The following GRAMD4 variants were observed in gnomAD, a reference collection of about 807,000 sequenced individuals.
GRAMD4 encodes the protein GRAM domain-containing protein 4.
Under a neutral mutation model 83.9 loss-of-function variants are expected in GRAMD4, and 25 were observed. That is an observed-to-expected ratio of 0.30 (90% confidence interval 0.22 to 0.42). GRAMD4 has a LOEUF of 0.42. Among genes scored for constraint, GRAMD4 ranks in the 10% least tolerant of loss-of-function variants. The pLI is 1.00. For synonymous variants in GRAMD4, 336 were observed against 320.9 expected (o/e 1.05, Z -0.50); for missense variants, 593 against 788.7 (o/e 0.75, Z 2.97).
chr22:46,603,515 CTTTTT>C (rs71192425), intron 1 of GRAMD4, among the ~76,000 whole-genome samples: 8,201 of 81,380 alleles, frequency 0.1, 570 homozygotes, highest in African/African-American at 0.23. Flanking sequence ...GGCCTCTTCT[CTTTTT>C]TTTTTTTTTT....
At chr22:46,585,202 T>G (rs1265728914) in intron 1 of GRAMD4, among the ~76,000 whole-genome samples, 1 of 151,790 alleles carries the variant, frequency 6.6e-6, no homozygotes, top group East Asian at 1.9e-4. Flanking sequence ...TCTTTTTTTT[T>G]TTTTTTAGAT....
At chr22:46,636,211 C>T (rs1404046762) in intron 2 of GRAMD4, among the ~76,000 whole-genome samples, 1 of 152,208 alleles carries the variant, frequency 6.6e-6, no homozygotes, top group African/African-American at 2.4e-5. Flanking sequence ...AGCTTCTGTC[C>T]TCCTGGATGG....
intron 2 of GRAMD4, among the ~76,000 whole-genome samples, chr22:46,633,893 G>A (rs537794031): frequency 5.3e-5 from 8 of 152,286 alleles, no homozygotes; most frequent in South Asian, 4.1e-4. Context: ...TGTTTAGGCC[G>A]CCTTCCCGGT....
At chr22:46,603,515 C>CTTTTTTTTTTTTTTTTTTTTTTTTT (rs71192425) in intron 1 of GRAMD4, among the ~76,000 whole-genome samples, 1 of 81,590 alleles carries the variant, frequency 1.2e-5, no homozygotes, top group African/African-American at 4.4e-5. Flanking sequence ...GGCCTCTTCT[C>CTTTTTTTTTTTTTTTTTTTTTTTTT]TTTTTTTTTT....
intron 1 of GRAMD4, among the ~76,000 whole-genome samples, chr22:46,625,050 T>C (rs373087072): frequency 1.1e-4 from 17 of 151,986 alleles, no homozygotes; most frequent in South Asian, 2.1e-4. Flanking sequence ...TTAGTAGAGA[T>C]GGGGTTTCAC....
chr22:46,665,740 C>A, intron 9 of GRAMD4, 34 bp downstream of exon 9: 2 of 1,106,434 alleles, frequency 1.8e-6, no homozygotes, highest in South Asian at 1.2e-5. Context: ...CTGCTTTATC[C>A]CACCGCATGT....
chr22:46,680,701 TCCATCCATCCATCCACCCAC>T (rs2082662130), downstream of GRAMD4, among the ~76,000 whole-genome samples: 2 of 125,620 alleles, frequency 1.6e-5, no homozygotes, highest in Admixed American at 8.0e-5. Context: ...CATCCACCCA[TCCATCCATCCATCCACCCAC>T]CCACCCATCC....
At chr22:46,615,763 C>T (rs1213633032), upstream of GRAMD4, among the ~76,000 whole-genome samples, 2 of 5,478 alleles carry the variant, frequency 3.7e-4, no homozygotes, top group African/African-American at 8.0e-4. Flanking sequence ...TAGGTTCCCC[C>T]TTGTGTAGGT....
chr22:46,600,921 G>A (rs1462342877), intron 1 of GRAMD4, among the ~76,000 whole-genome samples: 3 of 152,124 alleles, frequency 2.0e-5, no homozygotes, highest in South Asian at 2.1e-4. Context: ...CAAGGCAGGC[G>A]GATCACAAGG....
Position 46,640,081 on chromosome 22 carries a change from A to AT in GRAMD4, c.283+2122dup, listed in dbSNP as rs1466128859. Among the ~76,000 whole-genome samples the AT allele has an allele frequency of 2.6e-5, 4 of 152,206 alleles. No homozygotes were observed. The East Asian group carries it at 7.7e-4, about 29-fold the overall frequency. Reference sequence around the variant, plus strand: ...GTTGACTGTCCAGCTGGGCCTGTGCATGGAAGGTATGCTATTTGGCCTGGA... The same window carrying AT: ...GTTGACTGTCCAGCTGGGCCTGTGCATTGGAAGGTATGCTATTTGGCCTGGA... On this transcript the variant is annotated intron_variant, in intron 3 of 18. Coordinates refer to ENST00000406902, the MANE Select transcript of GRAMD4 (RefSeq NM_015124.5).
At chr22:46,617,551 C>G (rs2081521161), upstream of GRAMD4, among the ~76,000 whole-genome samples, 1 of 152,068 alleles carries the variant, frequency 6.6e-6, no homozygotes, top group Non-Finnish European at 1.5e-5. Context: ...GTAGGTTCCT[C>G]TGTGTTGGGT....
At position 46,675,573 on chromosome 22, in the gene GRAMD4, C is replaced by T. The variant is rs201856155; in HGVS notation, c.1563+21C>T. The stretch of plus-strand genomic sequence containing the variant: ...AGAAGGTTGGTGCACCTACCCACCC[C>T]CACTAACCCCCGTGTTTTCTTCGTC... On this transcript the variant is annotated intron_variant, in intron 17 of 18. Transcript: ENST00000406902. The T allele has an allele frequency of 6.2e-6, 9 of 1,458,308 alleles. No homozygotes were observed. In the East Asian group the frequency reaches 1.6e-4, roughly 26 times the overall value. The allele number at this position is 1,458,308 out of a possible 1,614,324, so 90.3% of individuals were successfully genotyped here. A position where few individuals can be genotyped will look rare whatever the true frequency, so the allele number is the denominator to read the frequency against.
Position 46,660,154 on chromosome 22 carries a change from C to G in GRAMD4, c.405-1227C>G, listed in dbSNP as rs558782135. Among the ~76,000 whole-genome samples, 50 of 152,306 alleles carry G rather than the reference C, an allele frequency of 3.3e-4. 1 individual carries two copies. Among genetic ancestry groups the G allele is most frequent in the Admixed American group, 8.5e-4 (13 of 15,298 alleles). On this transcript the variant is annotated intron_variant, in intron 4 of 18. Coordinates refer to ENST00000406902, the MANE Select transcript of GRAMD4 (RefSeq NM_015124.5). Reference sequence around the variant, plus strand: ...CCCTTGGTGGCAGGTGTGCCCAGCCCGGGTCAGCTGTAAGAACGCAGGGAG... The same window carrying G: ...CCCTTGGTGGCAGGTGTGCCCAGCCGGGGTCAGCTGTAAGAACGCAGGGAG...
At chr22:46,616,588 A>G (rs1226032272), upstream of GRAMD4, among the ~76,000 whole-genome samples, 1 of 120,808 alleles carries the variant, frequency 8.3e-6, no homozygotes, top group Non-Finnish European at 1.7e-5. Flanking sequence ...CTGTGCGTGC[A>G]GGTTCCCCTG....
rs13340032 is a variant in GRAMD4 at position 46,637,543 on chromosome 22, T to G, written c.163-297T>G. Among the ~76,000 whole-genome samples, 1,252 of 152,338 alleles carry G rather than the reference T, an allele frequency of 8.2e-3. 18 individuals carry two copies. Among genetic ancestry groups the G allele is most frequent in the African/African-American group, 0.029 (1,186 of 41,572 alleles). ...TGTGAACCACCGTGCCCAGCCTCCA[T>G]TTTTAAGATATTTCTTAAAGCCAGC... On this transcript the variant is annotated intron_variant, in intron 2 of 18. Transcript: ENST00000406902.
intron 1 of GRAMD4, among the ~76,000 whole-genome samples, chr22:46,602,762 C>CT (rs534249203): frequency 0.07 from 8,539 of 121,142 alleles, 683 homozygotes; most frequent in African/African-American, 0.13. Flanking sequence ...CCATTTTTCT[C>CT]TTTTTTTTTT....
chr22:46,650,326 A>C (rs1211466173), intron 3 of GRAMD4, among the ~76,000 whole-genome samples: 1 of 123,918 alleles, frequency 8.1e-6, no homozygotes, highest in African/African-American at 3.5e-5. Flanking sequence ...GGCTGGGTGG[A>C]GGGCTGCGTG....
At chr22:46,613,202 C>T (rs2081434633) in intron 1 of GRAMD4, among the ~76,000 whole-genome samples, 1 of 152,212 alleles carries the variant, frequency 6.6e-6, no homozygotes, top group Non-Finnish European at 1.5e-5. Flanking sequence ...TTGCTGAGTC[C>T]TTCCAGCACT....
In GRAMD4 at chr22:46,657,066, A is replaced by C. The variant is rs547439418; in HGVS notation, c.284-1121A>C. Among the ~76,000 whole-genome samples, 15 of 152,322 alleles carry C rather than the reference A, an allele frequency of 9.8e-5. No homozygotes were observed. In the South Asian group the frequency reaches 3.1e-3, roughly 32 times the overall value. ...CGTAAACCAGCATTGTTCCACCTGA[A>C]CTTAACCGTGACCTTGGCCCTGGGG... On this transcript the variant is annotated intron_variant, in intron 3 of 18. Transcript: ENST00000406902.
Sources: allele counts gnomAD v4.1 joint callset (sites outside exome capture counted in the v4.1 genomes callset), GRCh38; gene constraint gnomAD v4.1.1; transcripts MANE v1.5; gene names NCBI Gene and HGNC (gene_info 2026-07-23, HGNC 2026-07-21).